CCDC85A: variants seen among roughly 807,000 people sequenced by gnomAD.
The protein encoded by CCDC85A is coiled-coil domain-containing protein 85A.
Under a neutral mutation model 50.2 loss-of-function variants are expected in CCDC85A, and 38 were observed. The observed-to-expected ratio is 0.76, with a 90% CI of 0.58 to 0.99. The LOEUF is 0.99. Among genes scored for constraint, CCDC85A ranks in the 50% least tolerant of loss-of-function variants. The probability of loss-of-function intolerance (pLI) is 0.00; values close to 1 mark genes in which losing one functional copy is unlikely to be tolerated. For missense variants in CCDC85A, 820 were observed against 742.0 expected (o/e 1.11, Z -1.22); for synonymous variants, 366 against 301.4 (o/e 1.21, Z -2.22).
intron 5 of CCDC85A, among the ~76,000 whole-genome samples, chr2:56,381,009 A>G (rs2104407234): frequency 6.6e-6 from 1 of 152,238 alleles, no homozygotes; most frequent in Admixed American, 6.5e-5. Flanking sequence ...CTTACGCATC[A>G]ACCTCCTCGA....
intron 5 of CCDC85A, chr2:56,383,496 C>T: frequency 1.5e-6 from 1 of 679,950 alleles, no homozygotes; most frequent in Non-Finnish European, 1.8e-6. Context: ...TTACATTATT[C>T]TTGATTGCAC....
chr2:56,204,751 T>C (rs1676893349), intron 2 of CCDC85A, among the ~76,000 whole-genome samples: 1 of 152,176 alleles, frequency 6.6e-6, no homozygotes, highest in African/African-American at 2.4e-5. Context: ...TCACCATGCA[T>C]GGCATGACCT....
chr2:56,352,558 G>C (rs1978375), intron 3 of CCDC85A, among the ~76,000 whole-genome samples: 1 of 152,110 alleles, frequency 6.6e-6, no homozygotes, highest in African/African-American at 2.4e-5. Flanking sequence ...GTTGGCCAGG[G>C]TGGTCTCAAA....
chr2:56,268,594 CA>C (rs59245276), intron 2 of CCDC85A, among the ~76,000 whole-genome samples: 129 of 102,768 alleles, frequency 1.3e-3, no homozygotes, highest in African/African-American at 3.9e-3. Flanking sequence ...GATTCCGTCT[CA>C]AAAAAAAAAA....
At chr2:56,364,505 G>T (rs556346713) in intron 3 of CCDC85A, among the ~76,000 whole-genome samples, 1 of 152,168 alleles carries the variant, frequency 6.6e-6, no homozygotes, top group East Asian at 1.9e-4. Flanking sequence ...TAAATGTTTT[G>T]CAAACTCTCT....
intron 2 of CCDC85A, among the ~76,000 whole-genome samples, chr2:56,332,334 G>A (rs1458079575): frequency 6.6e-6 from 1 of 152,100 alleles, no homozygotes; most frequent in Non-Finnish European, 1.5e-5. Context: ...ATAAACAACA[G>A]AAATTTATTG....
chr2:56,231,555 G>C (rs1454584094), intron 2 of CCDC85A, among the ~76,000 whole-genome samples: 2 of 152,142 alleles, frequency 1.3e-5, no homozygotes, highest in Non-Finnish European at 2.9e-5. Flanking sequence ...ATGACTCTTG[G>C]CTTCAATCTA....
At chr2:56,279,222 A>G (rs937029027) in intron 2 of CCDC85A, among the ~76,000 whole-genome samples, 1 of 152,214 alleles carries the variant, frequency 6.6e-6, no homozygotes, top group Admixed American at 6.5e-5. Flanking sequence ...TTTGCATTGC[A>G]TTTCCAAAGC....
chr2:56,279,084 C>T (rs1019164648), intron 2 of CCDC85A, among the ~76,000 whole-genome samples: 3 of 152,172 alleles, frequency 2.0e-5, no homozygotes, highest in African/African-American at 7.2e-5. Context: ...CCACAGTCCC[C>T]TCTCTTCTGG....
At chr2:56,198,887 A>G (rs1048085762) in intron 2 of CCDC85A, among the ~76,000 whole-genome samples, 7 of 152,332 alleles carry the variant, frequency 4.6e-5, no homozygotes, top group African/African-American at 1.4e-4. Context: ...ACTGTTTTCT[A>G]GTTGGTCAAG....
rs72919051 is a variant in CCDC85A at position 56,217,087 on chromosome 2, A to G, written c.1240+23647A>G. 1.6e-3 allele frequency among the ~76,000 whole-genome samples: 237 copies of G among 151,912 alleles called. 1 individual carries two copies. Among genetic ancestry groups the G allele is most frequent in the African/African-American group, 5.4e-3 (226 of 41,474 alleles). On this transcript the variant is annotated intron_variant, in intron 2 of 5. Coordinates refer to ENST00000407595, the MANE Select transcript of CCDC85A (RefSeq NM_001080433.2). ...GGTCTTGCTGCTTTTCCTCTGTCAG[A>G]CTCACCTCTCAAAGGTTAGGTTAGA...
chr2:56,184,491 C>G lies in CCDC85A; in HGVS notation c.-134C>G, dbSNP rs1353615984. 1 of 1,028,212 alleles carries G rather than the reference C, an allele frequency of 9.7e-7. No homozygotes were observed. The highest frequency in any genetic ancestry group is 1.2e-6 in the Non-Finnish European group (1 of 805,732). The allele number at this position is 1,028,212 out of a possible 1,614,324, so 63.7% of individuals were successfully genotyped here. A position where few individuals can be genotyped will look rare whatever the true frequency, so the allele number is the denominator to read the frequency against. On this transcript the variant is annotated 5_prime_UTR_variant, in exon 1 of 6. Coordinates refer to ENST00000407595, the MANE Select transcript of CCDC85A (RefSeq NM_001080433.2). Reference sequence around the variant, plus strand: ...CAGCGCGACCCCCGCCGCCCCAACCCAGCGGCCCCTGGGCGGTGCCGCTGA... The same window carrying G: ...CAGCGCGACCCCCGCCGCCCCAACCGAGCGGCCCCTGGGCGGTGCCGCTGA...
At chr2:56,380,583 G>C (rs1676537957) in intron 5 of CCDC85A, among the ~76,000 whole-genome samples, 1 of 150,934 alleles carries the variant, frequency 6.6e-6, no homozygotes, top group African/African-American at 2.4e-5. Flanking sequence ...ACAACAACAG[G>C]ATAGACAAAT....
At chr2:56,372,255 C>G in intron 3 of CCDC85A, 89 bp from the exon 4 acceptor site, 7 of 1,311,582 alleles carry the variant, frequency 5.3e-6, no homozygotes, top group Non-Finnish European at 7.0e-6. Context: ...TGTGGTTCAT[C>G]TCATTAAGCT....
At chr2:56,330,837 A>T (rs1167338650) in intron 2 of CCDC85A, among the ~76,000 whole-genome samples, 2 of 152,224 alleles carry the variant, frequency 1.3e-5, no homozygotes, top group Non-Finnish European at 2.9e-5. Context: ...AACTAAAAAT[A>T]GAACTACCAT....
intron 2 of CCDC85A, among the ~76,000 whole-genome samples, chr2:56,304,935 C>CA (rs750816584): frequency 6.3e-5 from 8 of 127,690 alleles, no homozygotes; most frequent in Non-Finnish European, 1.1e-4. Flanking sequence ...AACAAACAAA[C>CA]AAAAAAACAA....
chr2:56,365,679 G>A (rs1297733661), intron 3 of CCDC85A, among the ~76,000 whole-genome samples: 2 of 152,274 alleles, frequency 1.3e-5, no homozygotes, highest in Admixed American at 1.3e-4. Context: ...TGTACAACAT[G>A]ATGTTTTAAA....
At chr2:56,203,998 A>G (rs1319503316) in intron 2 of CCDC85A, among the ~76,000 whole-genome samples, 1 of 152,170 alleles carries the variant, frequency 6.6e-6, no homozygotes, top group Admixed American at 6.5e-5. Context: ...TGTAGCCTTT[A>G]GTACACCATC....
chr2:56,302,973 G>T (rs1573212948), intron 2 of CCDC85A, among the ~76,000 whole-genome samples: 1 of 152,172 alleles, frequency 6.6e-6, no homozygotes, highest in Non-Finnish European at 1.5e-5. Flanking sequence ...GTTAAGTCCT[G>T]TGGTGTGCTC....
Sources: allele counts gnomAD v4.1 joint callset (sites outside exome capture counted in the v4.1 genomes callset), GRCh38; gene constraint gnomAD v4.1.1; transcripts MANE v1.5; gene names NCBI Gene and HGNC (gene_info 2026-07-23, HGNC 2026-07-21).